SPATS2L: variants seen among roughly 807,000 people sequenced by gnomAD.
SPATS2L encodes the protein SPATS2-like protein.
A neutral mutation model predicts 59.6 loss-of-function variants in SPATS2L; 30 were observed. The observed-to-expected ratio is 0.50, with a 90% confidence interval of 0.38 to 0.68. The LOEUF (loss-of-function observed/expected upper bound fraction) is 0.68. SPATS2L is among the 30% of genes least tolerant of loss of function. SPATS2L has a pLI of 0.00. For missense variants in SPATS2L, 615 were observed against 700.0 expected (o/e 0.88, Z 1.37); for synonymous variants, 252 against 263.5 (o/e 0.96, Z 0.42).
At chr2:200,388,524 A>G (rs1002740495) in intron 2 of SPATS2L, among the ~76,000 whole-genome samples, 3 of 151,948 alleles carry the variant, frequency 2.0e-5, no homozygotes, top group Admixed American at 2.0e-4. Flanking sequence ...GTGAACTGCG[A>G]TCACGCCACT....
intron 6 of SPATS2L, among the ~76,000 whole-genome samples, chr2:200,430,984 C>G (rs2083892549): frequency 6.6e-6 from 1 of 152,082 alleles, no homozygotes; most frequent in South Asian, 2.1e-4. Context: ...TCCCAAAGTG[C>G]TGGGATTACA....
intron 3 of SPATS2L, among the ~76,000 whole-genome samples, chr2:200,396,627 G>C (rs1559096403): frequency 6.6e-6 from 1 of 152,172 alleles, no homozygotes; most frequent in Non-Finnish European, 1.5e-5. Flanking sequence ...ATTAGAGAGA[G>C]TACAGAAGAA....
chr2:200,305,890 T>C (rs1014169146), upstream of SPATS2L: 7 of 169,814 alleles, frequency 4.1e-5, no homozygotes, highest in African/African-American at 1.7e-4. Context: ...TGCATTTCAC[T>C]CTACTGCCTC....
At chr2:200,423,126 A>C (rs2083385364) in intron 6 of SPATS2L, among the ~76,000 whole-genome samples, 1 of 152,190 alleles carries the variant, frequency 6.6e-6, no homozygotes, top group African/African-American at 2.4e-5. Flanking sequence ...AACAGTATGA[A>C]ACTGAAAACT....
intron 2 of SPATS2L, among the ~76,000 whole-genome samples, chr2:200,355,537 C>T (rs999460425): frequency 6.6e-6 from 1 of 152,212 alleles, no homozygotes; most frequent in Admixed American, 6.5e-5. Flanking sequence ...TTCTGTTTCA[C>T]TCTTTACAAA....
Position 200,354,008 on chromosome 2 carries a change from GTT to G in SPATS2L, c.-23+24530_-23+24531del, listed in dbSNP as rs145653302. ...ATGAAGTTAAACATTTCCCAAGTAA[GTT>G]TGTTTTTGAGAGGAATCACTTCAGG... is the stretch of plus-strand genomic sequence containing the variant. On this transcript the variant is annotated intron_variant, in intron 2 of 12. Coordinates refer to ENST00000409140, the MANE Select transcript of SPATS2L (RefSeq NM_001100423.2). Among the ~76,000 whole-genome samples, 551 of 152,222 alleles carry G rather than the reference GTT, an allele frequency of 3.6e-3. 4 individuals carry two copies. Among genetic ancestry groups the G allele is most frequent in the African/African-American group, 0.012 (518 of 41,532 alleles).
chr2:200,445,134 G>A (rs926005619), intron 8 of SPATS2L, among the ~76,000 whole-genome samples: 2 of 151,658 alleles, frequency 1.3e-5, no homozygotes, highest in Non-Finnish European at 2.9e-5. Flanking sequence ...AACACAGCGA[G>A]ACCTTGTCTC....
chr2:200,335,807 A>C (rs1286145492), intron 2 of SPATS2L, among the ~76,000 whole-genome samples: 2 of 152,230 alleles, frequency 1.3e-5, no homozygotes, highest in Non-Finnish European at 2.9e-5. Flanking sequence ...TTTTGTTATC[A>C]TGAAACATTA....
chr2:200,326,669 T>C (rs1177617774), intron 1 of SPATS2L, among the ~76,000 whole-genome samples: 3 of 152,124 alleles, frequency 2.0e-5, no homozygotes, highest in East Asian at 1.9e-4. Context: ...GGTAGAAACA[T>C]AGTAAAGACA....
chr2:200,404,432 T>C (rs968857620), intron 3 of SPATS2L, among the ~76,000 whole-genome samples: 4 of 152,208 alleles, frequency 2.6e-5, no homozygotes, highest in Admixed American at 2.6e-4. Flanking sequence ...GATGCAAAGA[T>C]TGTGTGAGAT....
Position 200,472,549 on chromosome 2 carries a change from A to G in SPATS2L, c.1061-283A>G, listed in dbSNP as rs559182191. 2.4e-4 allele frequency among the ~76,000 whole-genome samples: 37 copies of G among 152,288 alleles called. No individual in the cohort carries two copies. The South Asian group carries it at 7.5e-3, about 31-fold the overall frequency. On this transcript the variant is annotated intron_variant, in intron 11 of 12. Coordinates refer to ENST00000409140, the MANE Select transcript of SPATS2L (RefSeq NM_001100423.2). ...TTTTCCCTTGGTGGTTCTTGACCTAAAGAATAATATTTAAGTTGGTCAGAT... is the reference window on the plus strand; with the variant it reads ...TTTTCCCTTGGTGGTTCTTGACCTAGAGAATAATATTTAAGTTGGTCAGAT...
chr2:200,438,116 A>G (rs12987090), intron 6 of SPATS2L, among the ~76,000 whole-genome samples: 65,620 of 151,950 alleles, frequency 0.43, 14,271 homozygotes, highest in Middle Eastern at 0.5. Context: ...GCAAGGTACC[A>G]TGGGAGTAGA....
At chr2:200,410,455 C>G (rs1158270839) in intron 3 of SPATS2L, among the ~76,000 whole-genome samples, 1 of 152,084 alleles carries the variant, frequency 6.6e-6, no homozygotes, top group African/African-American at 2.4e-5. Context: ...GAGGGTTGCT[C>G]ACAGGATCAA....
At chr2:200,371,164 C>T (rs295111) in intron 2 of SPATS2L, among the ~76,000 whole-genome samples, 140,098 of 152,222 alleles carry the variant, frequency 0.92, 64,682 homozygotes, top group Middle Eastern at 0.97. Flanking sequence ...TGAGTATATA[C>T]ATGTATATAT....
intron 2 of SPATS2L, among the ~76,000 whole-genome samples, chr2:200,366,552 C>A (rs1029820345): frequency 1.3e-5 from 2 of 152,096 alleles, no homozygotes; most frequent in East Asian, 3.9e-4. Flanking sequence ...AGAAAAAAGT[C>A]TGCAAATATT....
At chr2:200,448,455 A>AAACAAC (rs888577250) in intron 8 of SPATS2L, among the ~76,000 whole-genome samples, 2 of 152,144 alleles carry the variant, frequency 1.3e-5, no homozygotes, top group African/African-American at 2.4e-5. Flanking sequence ...AACAAAAACA[A>AAACAAC]AACAACAACA....
intron 1 of SPATS2L, among the ~76,000 whole-genome samples, chr2:200,321,169 T>C (rs1574387832): frequency 2.0e-5 from 3 of 152,322 alleles, no homozygotes; most frequent in South Asian, 4.1e-4. Context: ...TGTGTGTGCA[T>C]GTGTATATTT....
intron 2 of SPATS2L, among the ~76,000 whole-genome samples, chr2:200,365,327 T>A (rs2081234304): frequency 6.6e-6 from 1 of 152,266 alleles, no homozygotes; most frequent in South Asian, 2.1e-4. Flanking sequence ...GCATTATGCC[T>A]GTTTACAGCC....
At chr2:200,439,424 A>G in intron 7 of SPATS2L, 96 bp downstream of exon 7, 1 of 1,023,840 alleles carries the variant, frequency 9.8e-7, no homozygotes, top group Non-Finnish European at 1.5e-6. Flanking sequence ...CTGCTTAGTG[A>G]AGAGAGATGC....
Sources: gnomAD v4.1 joint callset for allele counts (sites outside exome capture counted in the v4.1 genomes callset) on GRCh38, gnomAD v4.1.1 for gene constraint, MANE v1.5 for transcripts, NCBI Gene and HGNC (gene_info 2026-07-23, HGNC 2026-07-21) for gene names.